MAGI2: variants seen among roughly 807,000 people sequenced by gnomAD.
The protein encoded by MAGI2 is membrane-associated guanylate kinase, WW and PDZ domain-containing protein 2.
A neutral mutation model predicts 133.3 loss-of-function variants in MAGI2; 35 were observed. The observed-to-expected ratio is 0.26, with a 90% CI of 0.20 to 0.35. The LOEUF (loss-of-function observed/expected upper bound fraction) is 0.35. MAGI2 is among the 10% of genes least tolerant of loss of function. The pLI is 1.00. For synonymous variants in MAGI2, 729 were observed against 710.6 expected (o/e 1.03, Z -0.41); for missense variants, 1,636 against 1,863.4 (o/e 0.88, Z 2.25).
chr7:78,254,031 A>G (rs1792708013), intron 10 of MAGI2: 1 of 152,224 alleles, frequency 6.6e-6, no homozygotes, highest in Admixed American at 6.5e-5. Flanking sequence ...GCATCACAGC[A>G]TTCTGCATTT....
intron 6 of MAGI2, among the ~76,000 whole-genome samples, chr7:78,416,636 T>G (rs1396783260): frequency 6.6e-6 from 1 of 152,294 alleles, no homozygotes; most frequent in East Asian, 1.9e-4. Context: ...TGAATGTCTG[T>G]GTCCCTCCAA....
intron 1 of MAGI2, among the ~76,000 whole-genome samples, chr7:79,065,381 A>G (rs774604507): frequency 6.6e-6 from 1 of 152,110 alleles, no homozygotes; most frequent in Non-Finnish European, 1.5e-5. Flanking sequence ...TTGTTTGCCT[A>G]ATGCTTAACA....
At chr7:78,061,182 T>TC (rs1310587427) in intron 21 of MAGI2, among the ~76,000 whole-genome samples, 1 of 115,798 alleles carries the variant, frequency 8.6e-6, no homozygotes, top group Admixed American at 9.2e-5. Context: ...AAAAAGGTTT[T>TC]CTTTTTTTTT....
intron 6 of MAGI2, among the ~76,000 whole-genome samples, chr7:78,392,342 G>C (rs1321862138): frequency 6.6e-6 from 1 of 152,174 alleles, no homozygotes; most frequent in Non-Finnish European, 1.5e-5. Context: ...AGGGGAAATT[G>C]ATGAGTTCAG....
intron 3 of MAGI2, among the ~76,000 whole-genome samples, chr7:78,624,619 GA>G (rs1383635840): frequency 6.6e-6 from 1 of 152,080 alleles, no homozygotes; most frequent in Non-Finnish European, 1.5e-5. Context: ...ACATAGGGGA[GA>G]AAAACCCACA....
intron 1 of MAGI2, among the ~76,000 whole-genome samples, chr7:79,224,736 A>G (rs192582978): frequency 1.3e-5 from 2 of 152,332 alleles, no homozygotes; most frequent in East Asian, 3.9e-4. Flanking sequence ...CATATTGTAC[A>G]TCCCATTTAT....
intron 7 of MAGI2, among the ~76,000 whole-genome samples, chr7:78,353,779 G>A (rs1791770945): frequency 6.6e-6 from 1 of 152,166 alleles, no homozygotes; most frequent in Non-Finnish European, 1.5e-5. Context: ...AGAGTACAAG[G>A]CTAGTGCACA....
At chr7:78,578,403 A>G (rs1215319620) in intron 3 of MAGI2, among the ~76,000 whole-genome samples, 1 of 152,202 alleles carries the variant, frequency 6.6e-6, no homozygotes, top group Admixed American at 6.5e-5. Context: ...TATGTTAAAC[A>G]TAGTTGTGTG....
chr7:79,110,547 T>A (rs1818844500), intron 1 of MAGI2, among the ~76,000 whole-genome samples: 1 of 152,208 alleles, frequency 6.6e-6, no homozygotes, highest in Non-Finnish European at 1.5e-5. Flanking sequence ...CCACATTGCA[T>A]CTTGGAAGGA....
At chr7:78,553,824 T>C (rs996980704) in intron 3 of MAGI2, among the ~76,000 whole-genome samples, 23 of 152,194 alleles carry the variant, frequency 1.5e-4, no homozygotes, top group Non-Finnish European at 1.0e-4. Context: ...GTGTCTGCTA[T>C]GACACATTGC....
rs114485259 is a variant in MAGI2 at position 79,446,448 on chromosome 7, C to G, written c.301+6572G>C. On this transcript the variant is annotated intron_variant, in intron 1 of 21. Coordinates refer to ENST00000354212, the MANE Select transcript of MAGI2 (RefSeq NM_012301.4). ...CCAAAGTATAGCAAGTATTTAGGCT[C>G]AAACTGCCATGGTTTTGACAGTGAT... Among the ~76,000 whole-genome samples the G allele has an allele frequency of 5.8e-3, 875 of 152,030 alleles. 11 individuals carry two copies. Among genetic ancestry groups the G allele is most frequent in the South Asian group, 0.015 (74 of 4,820 alleles).
chr7:78,910,095 T>C (rs1374273546), intron 2 of MAGI2, among the ~76,000 whole-genome samples: 1 of 151,506 alleles, frequency 6.6e-6, no homozygotes, highest in Non-Finnish European at 1.5e-5. Context: ...TGAGAACACA[T>C]GGACACAGGG....
intron 9 of MAGI2, among the ~76,000 whole-genome samples, chr7:78,271,911 A>AT (rs1234316328): frequency 1.3e-5 from 2 of 151,878 alleles, no homozygotes; most frequent in Non-Finnish European, 2.9e-5. Context: ...AGATGCACTG[A>AT]TTTTTTAAGG....
At chr7:78,887,589 T>C (rs1450420917) in intron 2 of MAGI2, among the ~76,000 whole-genome samples, 2 of 152,228 alleles carry the variant, frequency 1.3e-5, no homozygotes, top group Non-Finnish European at 2.9e-5. Flanking sequence ...CCATTGTCCA[T>C]AAGACTAACC....
intron 10 of MAGI2, among the ~76,000 whole-genome samples, chr7:78,214,896 C>A (rs533178394): frequency 2.0e-5 from 3 of 152,194 alleles, no homozygotes; most frequent in Non-Finnish European, 4.4e-5. Flanking sequence ...TTTTTCGTAT[C>A]CCCAGGTTCT....
chr7:78,540,376 A>T (rs1798313382), intron 3 of MAGI2, among the ~76,000 whole-genome samples: 1 of 152,152 alleles, frequency 6.6e-6, no homozygotes, highest in Non-Finnish European at 1.5e-5. Flanking sequence ...GCTGGCATTG[A>T]CAGGCCTTCA....
intron 9 of MAGI2, among the ~76,000 whole-genome samples, chr7:78,264,650 A>G (rs1426731615): frequency 2.0e-5 from 3 of 152,174 alleles, no homozygotes; most frequent in Non-Finnish European, 4.4e-5. Context: ...ACTTATAACC[A>G]TCACAAAACA....
chr7:79,245,039 T>C (rs1447996416), intron 1 of MAGI2, among the ~76,000 whole-genome samples: 1 of 152,158 alleles, frequency 6.6e-6, no homozygotes, highest in East Asian at 1.9e-4. Context: ...GGGAACCCAC[T>C]TCCTTAAAGG....
intron 1 of MAGI2, among the ~76,000 whole-genome samples, chr7:79,195,651 C>T (rs984600695): frequency 2.6e-5 from 4 of 151,916 alleles, no homozygotes; most frequent in African/African-American, 9.7e-5. Context: ...GAGAGTCACA[C>T]GCTAATCCTT....
Sources: gnomAD v4.1 joint callset for allele counts (sites outside exome capture counted in the v4.1 genomes callset) on GRCh38, gnomAD v4.1.1 for gene constraint, MANE v1.5 for transcripts, NCBI Gene and HGNC (gene_info 2026-07-23, HGNC 2026-07-21) for gene names.